The following DACH2 variants were observed in gnomAD, a reference collection of about 807,000 sequenced individuals.
DACH2 encodes dachshund homolog 2.
A neutral mutation model predicts 35.8 loss-of-function variants in DACH2; 17 were observed. The observed-to-expected ratio is 0.48, with a 90% CI of 0.33 to 0.71. DACH2 has a LOEUF of 0.71. Ranked by LOEUF, DACH2 falls within the 30% of genes least tolerant of loss-of-function variation. The pLI, the probability that DACH2 is intolerant of heterozygous loss-of-function variation, is 0.02. For missense variants in DACH2, 469 were observed against 472.7 expected (o/e 0.99, Z 0.07); for synonymous variants, 195 against 177.3 (o/e 1.10, Z -0.79).
At chrX:86,394,737 C>T (rs1007817759) in intron 2 of DACH2, among the ~76,000 whole-genome samples, 2 of 111,592 alleles carry the variant, frequency 1.8e-5, no homozygotes, top group Non-Finnish European at 3.8e-5. Context: ...TATATCCTTT[C>T]TGAATTCCTT....
chrX:86,428,593 A>T (rs1432702958), intron 2 of DACH2, among the ~76,000 whole-genome samples: 1 of 112,114 alleles, frequency 8.9e-6, no homozygotes, highest in African/African-American at 3.2e-5. Context: ...ACTGAAAAAC[A>T]TTCAAATGAG....
At chrX:86,291,884 C>A (rs1414831122) in intron 1 of DACH2, among the ~76,000 whole-genome samples, 1 of 61,239 alleles carries the variant, frequency 1.6e-5, no homozygotes, top group African/African-American at 8.5e-5. Context: ...GTCTAAAATT[C>A]TCTTTTTTGG....
intron 3 of DACH2, among the ~76,000 whole-genome samples, chrX:86,571,382 G>T (rs2039366310): frequency 9.1e-6 from 1 of 110,004 alleles, no homozygotes. Context: ...GTGCCATGTT[G>T]GTGTGCTGCA....
chrX:86,154,276 C>T (rs1453578101), intron 1 of DACH2, among the ~76,000 whole-genome samples: 2 of 111,375 alleles, frequency 1.8e-5, no homozygotes, highest in Non-Finnish European at 3.8e-5. Context: ...CTACTCTATA[C>T]ATTTTAAATA....
chrX:86,589,591 T>C (rs1164520710), intron 3 of DACH2, among the ~76,000 whole-genome samples: 1 of 111,185 alleles, frequency 9.0e-6, no homozygotes, highest in African/African-American at 3.3e-5. Flanking sequence ...TAAGAGTCCA[T>C]TGTATGTGTT....
intron 11 of DACH2, chrX:86,828,063 T>A (rs1423956128): frequency 1.1e-5 from 3 of 270,422 alleles, no homozygotes; most frequent in Non-Finnish European, 2.0e-5. Context: ...TTCAAAAACA[T>A]TATCACATTA....
chrX:86,362,964 A>G (rs1334929974), intron 1 of DACH2, among the ~76,000 whole-genome samples: 1 of 111,100 alleles, frequency 9.0e-6, no homozygotes, highest in African/African-American at 3.3e-5. Context: ...CATAGGCTTG[A>G]AACTCAGTGC....
chrX:86,616,588 C>A (rs1051362897), intron 3 of DACH2, among the ~76,000 whole-genome samples: 13 of 111,674 alleles, frequency 1.2e-4, no homozygotes, highest in Admixed American at 1.1e-3. Context: ...CTGCTCATGT[C>A]CTTTGCCCAC....
At chrX:86,644,872 A>T (rs2040395673) in intron 3 of DACH2, among the ~76,000 whole-genome samples, 1 of 111,312 alleles carries the variant, frequency 9.0e-6, no homozygotes, top group African/African-American at 3.3e-5. Context: ...TATGGAGCAG[A>T]TTGAAGCTGG....
rs1009647234 is a variant in DACH2, at chrX:86,610,175, C to T, written c.641-40861C>T. ...CTGTTCTATACTGCAGCAGACCTTC[C>T]CATTCTTCCATTCTTCCCTCCCATT... On this transcript the variant is annotated intron_variant, in intron 3 of 11. Coordinates refer to ENST00000373125, the MANE Select transcript of DACH2 (RefSeq NM_053281.3). Among the ~76,000 whole-genome samples, 40 of 110,891 alleles carry T rather than the reference C, an allele frequency of 3.6e-4. No homozygotes were observed. In the Admixed American group the frequency reaches 3.7e-3, roughly 10 times the overall value.
At chrX:86,505,386 T>G (rs1382706784) in intron 2 of DACH2, among the ~76,000 whole-genome samples, 2 of 111,934 alleles carry the variant, frequency 1.8e-5, no homozygotes, top group Non-Finnish European at 3.8e-5. Flanking sequence ...CCACTGGAAA[T>G]TTTTCATCTT....
chrX:86,556,795 TAGAGAGAGAGAG>T (rs1194704943), intron 3 of DACH2, among the ~76,000 whole-genome samples: 3 of 25,309 alleles, frequency 1.2e-4, no homozygotes, highest in African/African-American at 5.4e-4. Context: ...TATATATATA[TAGAGAGAGAGAG>T]AGAGAGAGAG....
chrX:86,463,934 G>A (rs1396926402), intron 2 of DACH2, among the ~76,000 whole-genome samples: 1 of 111,738 alleles, frequency 8.9e-6, no homozygotes, highest in Non-Finnish European at 1.9e-5. Flanking sequence ...TATCATCACT[G>A]GCTGTTAGAA....
Position 86,485,890 on chromosome X carries a change from G to A in DACH2, c.528-28389G>A, listed in dbSNP as rs142349810. Among the ~76,000 whole-genome samples, 334 of 111,233 alleles carry A rather than the reference G, an allele frequency of 3.0e-3. 1 individual carries two copies. Among genetic ancestry groups the A allele is most frequent in the African/African-American group, 0.01 (320 of 30,607 alleles). On this transcript the variant is annotated intron_variant, in intron 2 of 11. Transcript: ENST00000373125. ...TCTCCTCTGATGTATCATTGTAGTGGTTAATTGCACAAACTTTGGAATTAT... is the reference window on the plus strand; with the variant it reads ...TCTCCTCTGATGTATCATTGTAGTGATTAATTGCACAAACTTTGGAATTAT...
At chrX:86,585,520 T>C (rs6524672) in intron 3 of DACH2, among the ~76,000 whole-genome samples, 44,805 of 109,331 alleles carry the variant, frequency 0.41, 8,471 homozygotes, top group African/African-American at 0.74. Flanking sequence ...TAGTACCCTA[T>C]AGGTATATTT....
At chrX:86,752,899 T>C (rs1235486313) in intron 7 of DACH2, among the ~76,000 whole-genome samples, 1 of 111,582 alleles carries the variant, frequency 9.0e-6, no homozygotes, top group Non-Finnish European at 1.9e-5. Context: ...AATGTCATCA[T>C]ATGAACTTAT....
chrX:86,312,265 G>T (rs2034817159), intron 1 of DACH2, among the ~76,000 whole-genome samples: 1 of 111,649 alleles, frequency 9.0e-6, no homozygotes, highest in Non-Finnish European at 1.9e-5. Flanking sequence ...AAGATTTATT[G>T]ACTCCATATC....
intron 6 of DACH2, among the ~76,000 whole-genome samples, chrX:86,720,816 C>A (rs2041397282): frequency 8.9e-6 from 1 of 112,730 alleles, no homozygotes; most frequent in Non-Finnish European, 1.9e-5. Context: ...AGAAGTTCTC[C>A]TTTTGGGCTG....
chrX:86,288,183 C>A (rs1275622675), intron 1 of DACH2, among the ~76,000 whole-genome samples: 3 of 112,268 alleles, frequency 2.7e-5, no homozygotes, highest in African/African-American at 9.7e-5. Flanking sequence ...GCAGAGAATT[C>A]TCCAGATTTT....
Sources: gnomAD v4.1 joint callset for allele counts (sites outside exome capture counted in the v4.1 genomes callset) on GRCh38, gnomAD v4.1.1 for gene constraint, MANE v1.5 for transcripts, NCBI Gene and HGNC (gene_info 2026-07-23, HGNC 2026-07-21) for gene names.